Variants in PPP2R2B observed in about 807,000 individuals in gnomAD.
PPP2R2B encodes the protein serine/threonine-protein phosphatase 2A 55 kDa regulatory subunit B beta isoform.
PPP2R2B carries 5 observed loss-of-function variants against 46.0 expected under a neutral mutation model. The ratio of observed to expected loss-of-function variants is 0.11; its 90% CI spans 0.06 to 0.23. PPP2R2B has a LOEUF of 0.23. PPP2R2B is among the 10% of genes least tolerant of loss of function. The probability of loss-of-function intolerance (pLI) is 1.00; values close to 1 mark genes in which losing one functional copy is unlikely to be tolerated. For missense variants in PPP2R2B, 367 were observed against 575.0 expected, an observed-to-expected ratio of 0.64 and a Z score of 3.70; for synonymous variants, 215 against 206.7, an observed-to-expected ratio of 1.04 and a Z score of -0.34.
At chr5:146,773,007 A>T (rs2151272741) in intron 2 of PPP2R2B, among the ~76,000 whole-genome samples, 1 of 152,340 alleles carries the variant, frequency 6.6e-6, no homozygotes, top group Admixed American at 6.5e-5. Flanking sequence ...ATCACAAATG[A>T]GTTCTGATGT....
intron 1 of PPP2R2B, among the ~76,000 whole-genome samples, chr5:146,932,367 T>C (rs1033465620): frequency 1.4e-4 from 22 of 152,164 alleles, no homozygotes; most frequent in Non-Finnish European, 1.2e-4. Flanking sequence ...TCCCCACATG[T>C]CGTGGGAGGG....
chr5:146,590,129 G>A lies in PPP2R2B; in HGVS notation c.1150C>T (p.Pro384Ser). The change falls in exon 10 of 10, where the codon CCC becomes TCC. Residue 384 changes from proline to serine, a missense_variant. Physicochemically the swap from Pro to Ser is moderately conservative, Grantham distance 74. Transcript: ENST00000394411. ...TLEASRENSK[P>S]RAILKPRKVC... The stretch of plus-strand genomic sequence containing the variant: ...TTTCGGGGTTTGAGGATAGCCCGGG[G>A]CTTGCTGTTTTCCCTCGAAGCCTCA... 1 of 1,613,314 alleles carries A rather than the reference G, an allele frequency of 6.2e-7. No homozygotes were observed. The highest frequency in any genetic ancestry group is 8.5e-7 in the Non-Finnish European group (1 of 1,180,012).
intron 2 of PPP2R2B, among the ~76,000 whole-genome samples, chr5:146,761,035 G>C (rs1754131974): frequency 2.0e-5 from 3 of 152,174 alleles, no homozygotes; most frequent in African/African-American, 7.2e-5. Context: ...AGAGGTTGTG[G>C]AGAAATAGGA....
At chr5:146,859,816 T>G (rs1484841050) in intron 2 of PPP2R2B, among the ~76,000 whole-genome samples, 1 of 152,138 alleles carries the variant, frequency 6.6e-6, no homozygotes, top group Admixed American at 6.5e-5. Context: ...GTGCCAAGTC[T>G]CTTGCTTGTC....
At chr5:146,637,852 G>A (rs1489240453) in intron 7 of PPP2R2B, among the ~76,000 whole-genome samples, 1 of 151,916 alleles carries the variant, frequency 6.6e-6, no homozygotes, top group African/African-American at 2.4e-5. Context: ...AAAAAAAGAT[G>A]TGTCCAGAAC....
intron 2 of PPP2R2B, among the ~76,000 whole-genome samples, chr5:146,804,009 TA>T (rs1253410451): frequency 5.9e-5 from 9 of 151,370 alleles, no homozygotes; most frequent in Non-Finnish European, 7.4e-5. Context: ...CTACTAGAAA[TA>T]AAAAAAATTA....
chr5:146,719,421 G>C (rs1443851358), intron 2 of PPP2R2B, among the ~76,000 whole-genome samples: 4 of 152,204 alleles, frequency 2.6e-5, no homozygotes, highest in African/African-American at 4.8e-5. Context: ...TACAAGTGAT[G>C]TGCCTTTGGG....
At chr5:146,618,262 G>A (rs1032852971) in intron 7 of PPP2R2B, among the ~76,000 whole-genome samples, 1 of 152,122 alleles carries the variant, frequency 6.6e-6, no homozygotes, top group Non-Finnish European at 1.5e-5. Context: ...ACTGGTCACC[G>A]CTGTCTTTGA....
chr5:146,647,754 T>G (rs1178627176), intron 6 of PPP2R2B, among the ~76,000 whole-genome samples: 1 of 151,910 alleles, frequency 6.6e-6, no homozygotes, highest in East Asian at 1.9e-4. Context: ...AAGCTCAGAG[T>G]GACAGCCAGC....
chr5:146,811,813 C>T (rs558233247), intron 2 of PPP2R2B, among the ~76,000 whole-genome samples: 8 of 151,280 alleles, frequency 5.3e-5, no homozygotes, highest in Admixed American at 1.3e-4. Flanking sequence ...GTGATCTGCC[C>T]GCCTCGGCCA....
chr5:146,667,834 C>A (rs1469889915), intron 5 of PPP2R2B, among the ~76,000 whole-genome samples: 1 of 152,124 alleles, frequency 6.6e-6, no homozygotes, highest in African/African-American at 2.4e-5. Context: ...ATATGGCCTC[C>A]AATGAGTCAC....
intron 2 of PPP2R2B, among the ~76,000 whole-genome samples, chr5:147,069,043 T>A (rs541373152): frequency 6.6e-6 from 1 of 152,116 alleles, no homozygotes; most frequent in East Asian, 1.9e-4. Flanking sequence ...AAACAACAGA[T>A]CTTATGTTCC....
chr5:146,748,317 A>G (rs371474427), intron 2 of PPP2R2B, among the ~76,000 whole-genome samples: 7 of 152,286 alleles, frequency 4.6e-5, no homozygotes, highest in African/African-American at 1.7e-4. Context: ...AAGAAATAAT[A>G]GAGAGTTACT....
At chr5:146,830,357 C>T (rs1434073765) in intron 2 of PPP2R2B, among the ~76,000 whole-genome samples, 2 of 152,154 alleles carry the variant, frequency 1.3e-5, no homozygotes, top group Non-Finnish European at 2.9e-5. Flanking sequence ...GGATTTCAAT[C>T]GTAGTCATAT....
At chr5:147,039,462 T>G (rs996583501) in intron 1 of PPP2R2B, among the ~76,000 whole-genome samples, 1 of 152,138 alleles carries the variant, frequency 6.6e-6, no homozygotes, top group South Asian at 2.1e-4. Context: ...CGGGGGGCTC[T>G]ACTTCTGTGC....
intron 2 of PPP2R2B, among the ~76,000 whole-genome samples, chr5:146,862,549 A>T (rs970111766): frequency 2.5e-4 from 38 of 152,148 alleles, no homozygotes; most frequent in African/African-American, 8.9e-4. Context: ...TTCACAGGAA[A>T]ATGTGGACTG....
At chr5:146,808,270 ACATTT>A (rs1757310807) in intron 2 of PPP2R2B, among the ~76,000 whole-genome samples, 2 of 152,208 alleles carry the variant, frequency 1.3e-5, no homozygotes, top group South Asian at 2.1e-4. Flanking sequence ...GCACTAGATG[ACATTT>A]CAAGGGCTCA....
At chr5:146,620,409 G>A (rs1281236986) in intron 7 of PPP2R2B, among the ~76,000 whole-genome samples, 2 of 152,186 alleles carry the variant, frequency 1.3e-5, no homozygotes, top group African/African-American at 4.8e-5. Context: ...AGGCCTCTGA[G>A]CACATTCTCT....
At chr5:146,625,676 G>A (rs960635305) in intron 7 of PPP2R2B, among the ~76,000 whole-genome samples, 1 of 152,152 alleles carries the variant, frequency 6.6e-6, no homozygotes, top group East Asian at 1.9e-4. Context: ...CCTGAAGAAT[G>A]TGTAGGCAGA....
Sources: allele counts gnomAD v4.1 joint callset (sites outside exome capture counted in the v4.1 genomes callset), GRCh38; gene constraint gnomAD v4.1.1; transcripts MANE v1.5; gene names NCBI Gene and HGNC (gene_info 2026-07-23, HGNC 2026-07-21).